The following ATG5 variants were observed in gnomAD, a reference collection of about 807,000 sequenced individuals.
ATG5 encodes the protein autophagy protein 5.
A neutral mutation model predicts 36.5 loss-of-function variants in ATG5; 14 were observed. That is an observed-to-expected ratio of 0.38 (90% confidence interval 0.25 to 0.60). The LOEUF (loss-of-function observed/expected upper bound fraction) is 0.60, where lower values mean the gene tolerates loss of function less well. Ranked by LOEUF, ATG5 falls within the 20% of genes least tolerant of loss-of-function variation. The pLI, the probability that ATG5 is intolerant of heterozygous loss-of-function variation, is 0.60. For synonymous variants in ATG5, 95 were observed against 101.5 expected, an observed-to-expected ratio of 0.94 and a Z score of 0.38; for missense variants, 195 against 326.7, an observed-to-expected ratio of 0.60 and a Z score of 3.11.
At chr6:106,228,155 C>T (rs1238443672) in intron 6 of ATG5, among the ~76,000 whole-genome samples, 1 of 152,160 alleles carries the variant, frequency 6.6e-6, no homozygotes, top group Admixed American at 6.5e-5. Flanking sequence ...TCTTTGGGTC[C>T]CCTCCCTTTG....
chr6:106,281,991 C>A (rs983458307), intron 4 of ATG5, among the ~76,000 whole-genome samples: 1 of 152,036 alleles, frequency 6.6e-6, no homozygotes, highest in South Asian at 2.1e-4. Context: ...AGTTTTTTTG[C>A]ATTTGTTTAA....
At chr6:106,260,915 G>A (rs919355566) in intron 5 of ATG5, among the ~76,000 whole-genome samples, 1 of 152,194 alleles carries the variant, frequency 6.6e-6, no homozygotes, top group African/African-American at 2.4e-5. Context: ...GGGGTCAGGT[G>A]TGGGGGCTTG....
intron 6 of ATG5, among the ~76,000 whole-genome samples, chr6:106,233,276 C>T (rs747074145): frequency 6.6e-6 from 1 of 152,204 alleles, no homozygotes; most frequent in Non-Finnish European, 1.5e-5. Flanking sequence ...AAGAGGATTC[C>T]TTGACATAAC....
chr6:106,243,253 G>A (rs1010612820), intron 6 of ATG5, among the ~76,000 whole-genome samples: 10 of 152,068 alleles, frequency 6.6e-5, no homozygotes, highest in Non-Finnish European at 1.3e-4. Flanking sequence ...ACATTCAATC[G>A]TCAATGGGAA....
chr6:106,231,789 G>GT (rs1464883906), intron 6 of ATG5, among the ~76,000 whole-genome samples: 2 of 152,150 alleles, frequency 1.3e-5, no homozygotes, highest in East Asian at 1.9e-4. Flanking sequence ...GGCAACCTCA[G>GT]TTTTTTATAA....
chr6:106,205,744 A>G (rs986801219), intron 6 of ATG5, among the ~76,000 whole-genome samples: 1 of 152,148 alleles, frequency 6.6e-6, no homozygotes, highest in African/African-American at 2.4e-5. Context: ...ACCTTCAACA[A>G]TCTTTTATGA....
rs556153318 is a variant in ATG5, at chr6:106,223,428, G to A, written c.574-21339C>T. Among the ~76,000 whole-genome samples, 10 of 152,250 alleles carry A rather than the reference G, an allele frequency of 6.6e-5. No individual in the cohort carries two copies. The South Asian group carries it at 2.1e-3, about 32-fold the overall frequency. ...TTTTCAGTTTTCAAAAATCCACATA[G>A]GAAGCAATTTAAGCCTAAATTGCCT... On this transcript the variant is annotated intron_variant, in intron 6 of 7. Coordinates refer to ENST00000369076, the MANE Select transcript of ATG5 (RefSeq NM_004849.4).
intron 6 of ATG5, among the ~76,000 whole-genome samples, chr6:106,226,766 T>C (rs1312495285): frequency 6.6e-6 from 1 of 152,024 alleles, no homozygotes; most frequent in Admixed American, 6.6e-5. Flanking sequence ...ATAGAAATTA[T>C]AGAGATAAAT....
At chr6:106,218,856 T>C (rs1299813914) in intron 6 of ATG5, among the ~76,000 whole-genome samples, 1 of 152,188 alleles carries the variant, frequency 6.6e-6, no homozygotes, top group African/African-American at 2.4e-5. Flanking sequence ...ATTTTCCCTT[T>C]AGCAAAGCTT....
intron 7 of ATG5, 78 bp from the exon 8 acceptor site, chr6:106,186,754 C>A (rs1775786740): frequency 1.3e-6 from 2 of 1,489,122 alleles, no homozygotes; most frequent in East Asian, 4.6e-5. Context: ...TTTTGAGAAT[C>A]CTTAGTGCAT....
chr6:106,200,256 A>G (rs1776366477), intron 7 of ATG5, among the ~76,000 whole-genome samples: 1 of 152,140 alleles, frequency 6.6e-6, no homozygotes, highest in Non-Finnish European at 1.5e-5. Flanking sequence ...TAATTCTACT[A>G]CTTAGGCAAA....
chr6:106,229,848 T>C (rs1210712138), intron 6 of ATG5, among the ~76,000 whole-genome samples: 1 of 152,238 alleles, frequency 6.6e-6, no homozygotes, highest in Non-Finnish European at 1.5e-5. Context: ...GGAAACCTCA[T>C]TGTGAGCACA....
chr6:106,316,391 G>T (rs1251783371), intron 1 of ATG5, 125 bp from the exon 2 acceptor site: 2 of 446,460 alleles, frequency 4.5e-6, no homozygotes, highest in Non-Finnish European at 7.9e-6. Context: ...AAAAAACGAT[G>T]ATCACCAATC....
At chr6:106,209,087 A>C (rs1019402346) in intron 6 of ATG5, among the ~76,000 whole-genome samples, 26 of 152,254 alleles carry the variant, frequency 1.7e-4, no homozygotes, top group African/African-American at 6.3e-4. Flanking sequence ...TACAAATGCA[A>C]AACAGTACAG....
Position 106,185,546 on chromosome 6 carries a change from A to G in ATG5, c.*994T>C, listed in dbSNP as rs1224484453. ...AGAGACAGGTAATCTTTAAACTTCA[A>G]AAGACTGGCTGCCAGGGACCACAGT... On this transcript the variant is annotated 3_prime_UTR_variant, in exon 8 of 8. Transcript: ENST00000369076. 1 of 152,350 alleles carries G rather than the reference A, an allele frequency of 6.6e-6. No homozygotes were observed. Among genetic ancestry groups the G allele is most frequent in the African/African-American group, 2.4e-5 (1 of 41,448 alleles). The allele number at this position is 152,350 out of a possible 1,614,324, so 9.4% of individuals were successfully genotyped here.
At chr6:106,252,373 C>G (rs1265643974) in intron 5 of ATG5, among the ~76,000 whole-genome samples, 1 of 151,720 alleles carries the variant, frequency 6.6e-6, no homozygotes, top group Non-Finnish European at 1.5e-5. Context: ...ATGAAAAATA[C>G]CATTCCTCAA....
At chr6:106,285,778 T>A (rs150957952) in intron 4 of ATG5, among the ~76,000 whole-genome samples, 22 of 152,358 alleles carry the variant, frequency 1.4e-4, no homozygotes, top group African/African-American at 4.8e-4. Flanking sequence ...AATCTGTATT[T>A]CATGCAATTT....
At chr6:106,289,402 G>GAA (rs36079781) in intron 4 of ATG5, among the ~76,000 whole-genome samples, 49 of 143,566 alleles carry the variant, frequency 3.4e-4, no homozygotes, top group African/African-American at 1.0e-3. Flanking sequence ...AGTATATACA[G>GAA]AAAAAAAAAA....
chr6:106,296,687 A>G (rs1769955770), intron 3 of ATG5, among the ~76,000 whole-genome samples: 1 of 152,160 alleles, frequency 6.6e-6, no homozygotes, highest in South Asian at 2.1e-4. Flanking sequence ...GCGTGGTCGC[A>G]TGTGTCTGTA....
Sources: allele counts gnomAD v4.1 joint callset (sites outside exome capture counted in the v4.1 genomes callset), GRCh38; gene constraint gnomAD v4.1.1; transcripts MANE v1.5; gene names NCBI Gene and HGNC (gene_info 2026-07-23, HGNC 2026-07-21).